The following SPATA3 variants were observed in gnomAD, a reference collection of about 807,000 sequenced individuals.
SPATA3 encodes spermatogenesis-associated protein 3.
SPATA3 carries 6 observed loss-of-function variants against 5.7 expected under a neutral mutation model. The observed-to-expected ratio is 1.06, with a 90% CI of 0.58 to 2.09. The LOEUF (loss-of-function observed/expected upper bound fraction) is 2.09. SPATA3 is among the 30% of genes most tolerant of loss of function. The pLI, the probability that SPATA3 is intolerant of heterozygous loss-of-function variation, is 0.00. For missense variants in SPATA3, 155 were observed against 130.4 expected, an observed-to-expected ratio of 1.19 and a Z score of -0.92; for synonymous variants, 44 against 48.4, an observed-to-expected ratio of 0.91 and a Z score of 0.37.
At chr2:231,019,324 T>C (rs930952384) in intron 6 of SPATA3, among the ~76,000 whole-genome samples, 5 of 147,418 alleles carry the variant, frequency 3.4e-5, no homozygotes, top group African/African-American at 1.3e-4. Context: ...GTTTATTCAA[T>C]CTCACTTTTT....
At chr2:231,004,079 G>A (rs1559196694), downstream of SPATA3, 4 of 152,212 alleles carry the variant, frequency 2.6e-5, no homozygotes, top group South Asian at 4.1e-4. Flanking sequence ...ATGGCGCTGG[G>A]AGAAGATGTT....
chr2:230,998,765 T>C (rs935118515), intron 1 of SPATA3, among the ~76,000 whole-genome samples: 1 of 152,226 alleles, frequency 6.6e-6, no homozygotes, highest in Non-Finnish European at 1.5e-5. Flanking sequence ...GGAATCCTCA[T>C]ACACTGTAGG....
chr2:231,014,762 G>T (rs1359309296), intron 6 of SPATA3, among the ~76,000 whole-genome samples: 2 of 152,130 alleles, frequency 1.3e-5, no homozygotes, highest in Non-Finnish European at 2.9e-5. Context: ...GGGTGAGAAT[G>T]GGGGAGAGGT....
intron 6 of SPATA3, among the ~76,000 whole-genome samples, chr2:231,014,764 G>A (rs1039855154): frequency 1.3e-5 from 2 of 152,136 alleles, no homozygotes; most frequent in Non-Finnish European, 2.9e-5. Context: ...GTGAGAATGG[G>A]GGAGAGGTGT....
At position 231,019,194 on chromosome 2, in the gene SPATA3, C is replaced by T. The variant is rs1559204041; in HGVS notation, c.*566-526C>T. Among the ~76,000 whole-genome samples the T allele has an allele frequency of 6.0e-5, 9 of 151,256 alleles. No homozygotes were observed. In the South Asian group the frequency reaches 1.9e-3, roughly 32 times the overall value. On this transcript the variant is annotated intron_variant, in intron 6 of 8. Transcript: ENST00000452881. ...CCATGTTAGCCAGGATGGTCTCGAT[C>T]TCCCGACCTTGTGATCCGCCCACCT...
downstream of SPATA3, chr2:231,004,217 A>G (rs1433245180): frequency 1.3e-5 from 2 of 152,218 alleles, no homozygotes; most frequent in South Asian, 2.1e-4. Context: ...CTGCTATGCT[A>G]TTTCCTGAGG....
exon 2 of SPATA3, chr2:231,000,399 C>G: frequency 1.3e-6 from 2 of 1,535,992 alleles, no homozygotes; most frequent in Non-Finnish European, 1.8e-6. Flanking sequence ...CATTCCTGCT[C>G]CTGTGCCACT....
At chr2:231,014,565 G>A (rs1294678766) in intron 6 of SPATA3, among the ~76,000 whole-genome samples, 3 of 152,126 alleles carry the variant, frequency 2.0e-5, no homozygotes, top group Non-Finnish European at 4.4e-5. Context: ...GGGGCATCCT[G>A]GGGGACGGAA....
At chr2:231,004,579 C>T (rs931153767), downstream of SPATA3, among the ~76,000 whole-genome samples, 18 of 152,108 alleles carry the variant, frequency 1.2e-4, no homozygotes, top group Non-Finnish European at 2.2e-4. Flanking sequence ...GCACAGGACC[C>T]AGTGTCAGGG....
downstream of SPATA3, among the ~76,000 whole-genome samples, chr2:231,007,842 G>A (rs181661887): frequency 1.2e-3 from 181 of 152,282 alleles, 1 homozygote; most frequent in African/African-American, 4.2e-3. Context: ...ATAGGGGAGA[G>A]GAGTGTCAAC....
chr2:231,005,371 C>T, downstream of SPATA3, among the ~76,000 whole-genome samples: 1 of 133,674 alleles, frequency 7.5e-6, no homozygotes, highest in Non-Finnish European at 1.6e-5. Flanking sequence ...CCACCATCAT[C>T]ACCACCATCA....
intron 2 of SPATA3, among the ~76,000 whole-genome samples, chr2:231,000,825 C>G (rs950949837): frequency 1.3e-5 from 2 of 152,118 alleles, no homozygotes; most frequent in African/African-American, 4.8e-5. Flanking sequence ...TCCAGAGATG[C>G]CCTCCCCTCC....
chr2:231,015,478 C>T (rs1403697416), intron 6 of SPATA3, among the ~76,000 whole-genome samples: 1 of 152,048 alleles, frequency 6.6e-6, no homozygotes, highest in Non-Finnish European at 1.5e-5. Context: ...AGCTGGGCTC[C>T]GTCCTCCTGC....
Position 231,013,631 on chromosome 2 carries a change from C to T in SPATA3, c.*227-243C>T, listed in dbSNP as rs989451148. 7.6e-4 allele frequency among the ~76,000 whole-genome samples: 115 copies of T among 152,114 alleles called. 3 individuals are homozygous for T. Among genetic ancestry groups the T allele is most frequent in the Admixed American group, 7.1e-3 (108 of 15,260 alleles). On this transcript the variant is annotated intron_variant, in intron 5 of 8. Transcript: ENST00000452881. The stretch of plus-strand genomic sequence containing the variant: ...TCAGCCTCCCAAGTAGCTGGGATTA[C>T]GGGCATGTGCCACCATGCCTGGCTA...
At chr2:231,001,612 C>A (rs928354448) in intron 2 of SPATA3, among the ~76,000 whole-genome samples, 1 of 152,206 alleles carries the variant, frequency 6.6e-6, no homozygotes, top group African/African-American at 2.4e-5. Context: ...CCACACCCTG[C>A]CCACACGCTT....
downstream of SPATA3, among the ~76,000 whole-genome samples, chr2:231,006,991 G>A (rs557707587): frequency 3.3e-5 from 5 of 152,214 alleles, no homozygotes; most frequent in Admixed American, 6.5e-5. Context: ...CAGGAGCCAA[G>A]CCTGGCCAGG....
downstream of SPATA3, among the ~76,000 whole-genome samples, chr2:231,005,547 TCAC>T (rs1574666388): frequency 5.4e-5 from 3 of 55,952 alleles, no homozygotes; most frequent in Non-Finnish European, 7.8e-5. Context: ...ACCACCATCA[TCAC>T]CACCACCATC....
intron 1 of SPATA3, 88 bp downstream of exon 1, chr2:230,996,622 A>G (rs1692133308): frequency 1.4e-6 from 2 of 1,455,566 alleles, no homozygotes; most frequent in African/African-American, 2.8e-5. Flanking sequence ...TAGGATAGTG[A>G]TGCATGGTTA....
intron 6 of SPATA3, among the ~76,000 whole-genome samples, chr2:231,016,889 GCTTTCCCATTCACCATCAAGACATCA>G (rs1692951716): frequency 6.6e-6 from 1 of 152,104 alleles, no homozygotes; most frequent in African/African-American, 2.4e-5. Context: ...CCTCTCAATA[GCTTTCCCATTCACCATCAAGACATCA>G]CTCAGTTAAA....
Sources: allele counts gnomAD v4.1 joint callset (sites outside exome capture counted in the v4.1 genomes callset), GRCh38; gene constraint gnomAD v4.1.1; transcripts MANE v1.5; gene names NCBI Gene and HGNC (gene_info 2026-07-23, HGNC 2026-07-21).